STX7: variants seen among roughly 807,000 people sequenced by gnomAD.
STX7 encodes the protein syntaxin 7.
STX7 carries 34 observed loss-of-function variants against 39.6 expected under a neutral mutation model. The ratio of observed to expected loss-of-function variants is 0.86; its 90% CI spans 0.65 to 1.14. The LOEUF (loss-of-function observed/expected upper bound fraction) is 1.14, where lower values mean the gene tolerates loss of function less well. STX7 is among the 50% of genes most tolerant of loss of function. The pLI is 0.00. For synonymous variants in STX7, 119 were observed against 99.1 expected, an observed-to-expected ratio of 1.20 and a Z score of -1.19; for missense variants, 284 against 310.4, an observed-to-expected ratio of 0.92 and a Z score of 0.64.
intron 9 of STX7, among the ~76,000 whole-genome samples, chr6:132,463,301 A>G (rs1263737414): frequency 1.3e-5 from 2 of 152,204 alleles, no homozygotes; most frequent in Admixed American, 1.3e-4. Context: ...GCTACATGGT[A>G]TTTAGGGGTT....
In STX7 at chr6:132,470,036, G is replaced by A. The variant is rs369931134; in HGVS notation, c.452C>T (p.Pro151Leu). The A allele has an allele frequency of 6.3e-7, 1 of 1,580,562 alleles. No homozygotes were observed. Among genetic ancestry groups the A allele is most frequent in the South Asian group, 1.2e-5 (1 of 84,230 alleles). The change falls in exon 7 of 10, where the codon CCT (proline) becomes CTT (leucine). Residue 151 changes from proline (P) to leucine (L), a missense_variant. By Grantham distance (98) the Pro-to-Leu change is moderately conservative. Transcript: ENST00000367941. ...NLVSWESQTQ[P>L]QVQVQDEEIT... The stretch of plus-strand genomic sequence containing the variant: ...TTCTTCATCCTGCACCTGCACTTGA[G>A]GTTGAGTTTGGCTAACAGAAAAAAA...
intron 2 of STX7, among the ~76,000 whole-genome samples, chr6:132,489,126 C>G (rs1775213174): frequency 6.7e-6 from 1 of 148,212 alleles, no homozygotes; most frequent in Non-Finnish European, 1.5e-5. Flanking sequence ...AGCTTGAACC[C>G]AGAGGAAGAG....
intron 8 of STX7, 67 bp from the exon 9 acceptor site, chr6:132,464,142 A>G (rs1774497815): frequency 4.3e-6 from 6 of 1,403,868 alleles, no homozygotes; most frequent in Non-Finnish European, 6.0e-6. Context: ...ACAAATCACT[A>G]AATTTCATTC....
At chr6:132,490,233 C>G (rs1356573508) in intron 2 of STX7, among the ~76,000 whole-genome samples, 1 of 152,200 alleles carries the variant, frequency 6.6e-6, no homozygotes, top group South Asian at 2.1e-4. Flanking sequence ...TTCCTGTCAT[C>G]CACTCGAGGG....
At chr6:132,500,961 C>T (rs1319025018) in intron 2 of STX7, among the ~76,000 whole-genome samples, 3 of 152,234 alleles carry the variant, frequency 2.0e-5, no homozygotes, top group African/African-American at 7.2e-5. Flanking sequence ...TGTGGAGGCC[C>T]CTATGTTCAT....
In STX7 at chr6:132,454,744, C is replaced by G. The variant is rs1012907804; in HGVS notation, c.*6014G>C. The G allele has an allele frequency of 6.6e-6, 1 of 151,982 alleles. No individual in the cohort carries two copies. Among genetic ancestry groups the G allele is most frequent in the African/African-American group, 2.4e-5 (1 of 41,408 alleles). The allele number at this position is 151,982 out of a possible 1,614,324, so 9.4% of individuals were successfully genotyped here. A position where few individuals can be genotyped will look rare whatever the true frequency, so the allele number is the denominator to read the frequency against. ...ACAATAGGGTAGCCCTAATTTTGAA[C>G]AAAAAATGTTTGTTTATTGCCTCCA... On this transcript the variant is annotated 3_prime_UTR_variant, in exon 10 of 10. Transcript: ENST00000367941.
intron 1 of STX7, among the ~76,000 whole-genome samples, chr6:132,503,878 C>T (rs534567302): frequency 6.6e-6 from 1 of 152,198 alleles, no homozygotes; most frequent in Non-Finnish European, 1.5e-5. Context: ...AAATCCCTTA[C>T]CTGTATATAA....
Position 132,471,487 on chromosome 6 carries a change from T to G in STX7, c.363A>C (p.Arg121=). The G allele has an allele frequency of 6.2e-7, 1 of 1,614,004 alleles. No individual in the cohort carries two copies. Among genetic ancestry groups the G allele is most frequent in the Non-Finnish European group, 8.5e-7 (1 of 1,179,942 alleles). ...CAGACACTCTGGAACTGGCTCTTAC[T>G]CGAGCAACAAACTCTTTCTCTCGCT... ...AAEREKEFVA[R]VRASSRVSGS... is the part of the protein sequence containing the mutation. Residue 121 remains arginine, a synonymous_variant, in exon 5 of 10, where the codon CGA becomes CGC. Coordinates refer to ENST00000367941, the MANE Select transcript of STX7 (RefSeq NM_003569.3).
intron 2 of STX7, among the ~76,000 whole-genome samples, chr6:132,481,333 G>A (rs1775011928): frequency 6.6e-6 from 1 of 151,546 alleles, no homozygotes; most frequent in African/African-American, 2.4e-5. Context: ...TCTTTGGAGG[G>A]GGAAAAAAAC....
rs750215528 is a variant in STX7, at chr6:132,447,248, G to A, written c.*13510C>T. The A allele has an allele frequency of 2.0e-5, 3 of 152,108 alleles. No homozygotes were observed. The highest frequency in any genetic ancestry group is 2.9e-5 in the Non-Finnish European group (2 of 68,006). The allele number at this position is 152,108 out of a possible 1,614,324, so 9.4% of individuals were successfully genotyped here. A position where few individuals can be genotyped will look rare whatever the true frequency, so the allele number is the denominator to read the frequency against. On this transcript the variant is annotated 3_prime_UTR_variant, in exon 10 of 10. Transcript: ENST00000367941. Reference sequence around the variant, plus strand: ...ATTGATTAGCTGACTGACATAGAGCGTTTCTTATCAGTCAACAAAACTATT... The same window carrying A: ...ATTGATTAGCTGACTGACATAGAGCATTTCTTATCAGTCAACAAAACTATT...
chr6:132,462,582 GGTGTGTGTGTGTGTGT>G lies in STX7; in HGVS notation c.693+1395_693+1410del, dbSNP rs71952617. ...CCAGAAGACTTCTGGCATTTGCAGG[GGTGTGTGTGTGTGTGT>G]GTGTGTGTGTGTGTGTGTGTGTGTT... On this transcript the variant is annotated intron_variant, in intron 9 of 9. Transcript: ENST00000367941. 4.8e-5 allele frequency among the ~76,000 whole-genome samples: 7 copies of G among 144,896 alleles called. No homozygotes were observed. The South Asian group carries it at 6.7e-4, about 14-fold the overall frequency.
chr6:132,511,423 C>T (rs1775844934), intron 1 of STX7, among the ~76,000 whole-genome samples: 1 of 152,172 alleles, frequency 6.6e-6, no homozygotes, highest in South Asian at 2.1e-4. Context: ...TGAGAACTCA[C>T]CACTGGTCAC....
chr6:132,477,085 T>A (rs1774893059), intron 2 of STX7, among the ~76,000 whole-genome samples: 1 of 152,164 alleles, frequency 6.6e-6, no homozygotes, highest in Non-Finnish European at 1.5e-5. Flanking sequence ...TGCTTTTAAG[T>A]GAAAGCTGAA....
Position 132,454,831 on chromosome 6 carries a change from A to G in STX7, c.*5927T>C, listed in dbSNP as rs953878716. ...TTGCCTCCAAGATAGAACTAACGTG[A>G]ATGATATATAACTAAGGTTATCTTA... On this transcript the variant is annotated 3_prime_UTR_variant, in exon 10 of 10. Coordinates refer to ENST00000367941, the MANE Select transcript of STX7 (RefSeq NM_003569.3). The G allele has an allele frequency of 6.6e-6, 1 of 152,168 alleles. No individual in the cohort carries two copies. Among genetic ancestry groups the G allele is most frequent in the African/African-American group, 2.4e-5 (1 of 41,462 alleles). The allele number at this position is 152,168 out of a possible 1,614,324, so 9.4% of individuals were successfully genotyped here. A position where few individuals can be genotyped will look rare whatever the true frequency, so the allele number is the denominator to read the frequency against.
chr6:132,507,500 T>C (rs1235083335), intron 1 of STX7, among the ~76,000 whole-genome samples: 1 of 152,262 alleles, frequency 6.6e-6, no homozygotes, highest in East Asian at 1.9e-4. Context: ...AGGTGACTAC[T>C]AATCTACTTT....
chr6:132,494,790 T>A (rs991187252), intron 2 of STX7, among the ~76,000 whole-genome samples: 1 of 152,226 alleles, frequency 6.6e-6, no homozygotes, highest in Non-Finnish European at 1.5e-5. Context: ...AGAATTTAAC[T>A]GTTGCCTTTC....
intron 2 of STX7, among the ~76,000 whole-genome samples, chr6:132,486,666 T>A (rs1283519230): frequency 7.7e-6 from 1 of 130,532 alleles, no homozygotes; most frequent in African/African-American, 3.9e-5. Context: ...TTTTCTGGGT[T>A]TTTTTTTTTT....
chr6:132,467,464 A>G (rs1774592716), intron 8 of STX7, among the ~76,000 whole-genome samples: 1 of 151,994 alleles, frequency 6.6e-6, no homozygotes, highest in Admixed American at 6.6e-5. Flanking sequence ...ACTTATCACC[A>G]TTTACTTGCT....
At position 132,496,274 on chromosome 6, in the gene STX7, A is replaced by G. The variant is rs557541836; in HGVS notation, c.85+7172T>C. Among the ~76,000 whole-genome samples, 7 of 152,324 alleles carry G rather than the reference A, an allele frequency of 4.6e-5. No individual in the cohort carries two copies. The South Asian group carries it at 1.4e-3, about 32-fold the overall frequency. On this transcript the variant is annotated intron_variant, in intron 2 of 9. Transcript: ENST00000367941. ...TTTCAGGTTATTATTTTAAAAAAAA[A>G]TACTCAAATGCGAGAATTCACATTA...
Sources: gnomAD v4.1 joint callset for allele counts (sites outside exome capture counted in the v4.1 genomes callset) on GRCh38, gnomAD v4.1.1 for gene constraint, MANE v1.5 for transcripts, NCBI Gene and HGNC (gene_info 2026-07-23, HGNC 2026-07-21) for gene names.